The following TRIM48 variants were observed in gnomAD, a reference collection of about 807,000 sequenced individuals.
TRIM48 encodes the protein tripartite motif containing 48, also known as E3 ubiquitin-protein ligase TRIM48.
A neutral mutation model predicts 29.5 loss-of-function variants in TRIM48; 31 were observed. That is an observed-to-expected ratio of 1.05 (90% CI 0.79 to 1.42). TRIM48 has a LOEUF of 1.42. TRIM48 is among the 40% of genes most tolerant of loss of function. TRIM48 has a pLI of 0.00. For missense variants in TRIM48, 344 were observed against 265.0 expected, an observed-to-expected ratio of 1.30 and a Z score of -2.07; for synonymous variants, 128 against 90.6, an observed-to-expected ratio of 1.41 and a Z score of -2.34.
chr11:55,265,632 G>C lies in TRIM48; in HGVS notation c.492G>C (p.Trp164Cys). ...EKLLKKMQSL[W>C]EKACENQRNL... The stretch of plus-strand genomic sequence containing the variant: ...TTTTAAAGAAAATGCAGTCTTTATG[G>C]GAAAAAGCTTGTGAAAATCAGAGAA... The change falls in exon 3 of 6, where the codon TGG becomes TGC. Residue 164 changes from tryptophan to cysteine, a missense_variant. Trp to Cys is a radical substitution (Grantham distance 215). Transcript: ENST00000417545. 6.3e-7 allele frequency: 1 copy of C among 1,582,088 alleles called. No individual in the cohort carries two copies.
Position 55,265,048 on chromosome 11 carries a change from C to A in TRIM48, c.193C>A (p.Leu65Ile), listed in dbSNP as rs763093051. 40 of 1,584,046 alleles carry A rather than the reference C, an allele frequency of 2.5e-5. 4 individuals carry two copies. The highest frequency in any genetic ancestry group is 1.9e-4 in the Middle Eastern group (1 of 5,312). Residue 65 changes from leucine to isoleucine, a missense_variant, in exon 2 of 6, where the codon CTT becomes ATT. Physicochemically the swap from Leu to Ile is conservative, Grantham distance 5 (BLOSUM62 2). Transcript: ENST00000417545. ...FYLNWQDIPI[L>I]TQCFECIKTI... ...CCTCAACTGGCAAGACATCCCAATT[C>A]TTACTCAGTGCTTTGAATGCATAAA...
chr11:55,265,560 A>G lies in TRIM48; in HGVS notation c.460-40A>G, dbSNP rs559475822. 2.7e-4 allele frequency: 424 copies of G among 1,567,174 alleles called. 88 individuals carry two copies. In the South Asian group the frequency reaches 4.8e-3, roughly 18 times the overall value. On this transcript the variant is annotated intron_variant, in intron 2 of 5. Coordinates refer to ENST00000417545, the MANE Select transcript of TRIM48 (RefSeq NM_024114.5). ...AATGAAACGGTCTGTATGTTACTTT[A>G]TTGTCTTCACTGGTGCTTCAATTTA... is the stretch of plus-strand genomic sequence containing the variant.
rs1165824967 is a variant in TRIM48, at chr11:55,265,270, T to G, written c.415T>G (p.Tyr139Asp). The G allele has an allele frequency of 3.2e-6, 5 of 1,582,314 alleles. 1 individual carries two copies. In the South Asian group the frequency reaches 4.8e-5, roughly 15 times the overall value. Residue 139 changes from tyrosine to aspartate, a missense_variant, in exon 2 of 6, where the codon TAT becomes GAT. Tyr to Asp is a radical substitution (Grantham distance 160, BLOSUM62 -3). Transcript: ENST00000417545. ...GTGCTCCAGCTCTCAGGAGCACCGG[T>G]ATCACAGACACTGTCCCGCTGAGTG... ...LLCSSSQEHR[Y>D]HRHCPAEWAA...
At chr11:55,269,556 T>A (rs1259720264) in intron 5 of TRIM48, among the ~76,000 whole-genome samples, 1 of 147,920 alleles carries the variant, frequency 6.8e-6, no homozygotes, top group Admixed American at 6.8e-5. Flanking sequence ...TGGCCTCATA[T>A]GTACTGAGTA....
chr11:55,268,440 A>G (rs1857426537), intron 4 of TRIM48, 68 bp downstream of exon 4: 34 of 1,416,392 alleles, frequency 2.4e-5, no homozygotes, highest in Non-Finnish European at 3.0e-5. Context: ...AGGCTCTACC[A>G]AAGTCATGGC....
chr11:55,267,387 C>T (rs534431247), intron 3 of TRIM48: 2 of 1,567,986 alleles, frequency 1.3e-6, no homozygotes, highest in East Asian at 2.4e-5. Flanking sequence ...TCTCTTTTGA[C>T]TAACCCATTA....
In TRIM48 at chr11:55,264,944, C is replaced by T. The variant is rs758653040; in HGVS notation, c.89C>T (p.Thr30Ile). 61 of 1,583,850 alleles carry T rather than the reference C, an allele frequency of 3.9e-5. 7 individuals are homozygous for T. Among genetic ancestry groups the T allele is most frequent in the South Asian group, 6.0e-5 (5 of 83,680 alleles). The change falls in exon 2 of 6, where the codon ACC (threonine) becomes ATC (isoleucine). Residue 30 changes from threonine to isoleucine, a missense_variant. Coordinates refer to ENST00000417545, the MANE Select transcript of TRIM48 (RefSeq NM_024114.5). Reference sequence around the variant, plus strand: ...TCGCAAGTCTTCCAGAGGGAACTCACCTGCCCCATCTGCATGAACTACTTC... The same window carrying T: ...TCGCAAGTCTTCCAGAGGGAACTCATCTGCCCCATCTGCATGAACTACTTC... The part of the protein sequence containing the change: ...GISQVFQREL[T>I]CPICMNYFID...
chr11:55,262,288 G>T lies in TRIM48; in HGVS notation c.21G>T (p.Val7=). 1 of 1,548,690 alleles carries T rather than the reference G, an allele frequency of 6.5e-7. No homozygotes were observed. Among genetic ancestry groups the T allele is most frequent in the South Asian group, 1.2e-5 (1 of 83,948 alleles). Residue 7 remains valine (V), a synonymous_variant, in exon 1 of 6, where the codon GTG becomes GTT. Transcript: ENST00000417545. MSRRII[V]GTLQRTQRNM... ...GAATTATGTCTCGAAGAATCATTGT[G>T]GGAACCCTTCAAAGAACCCAGCGGT...
intron 1 of TRIM48, 126 bp downstream of exon 1, chr11:55,262,437 T>A: frequency 1.4e-6 from 1 of 719,152 alleles, no homozygotes; most frequent in Non-Finnish European, 2.3e-6. Flanking sequence ...ATATTCTTAC[T>A]ATAGATTTTA....
rs1857312184 is a variant in TRIM48 at position 55,262,224 on chromosome 11, T to A, written c.-44T>A. The A allele has an allele frequency of 6.6e-7, 1 of 1,506,868 alleles. No homozygotes were observed. Among genetic ancestry groups the A allele is most frequent in the Admixed American group, 2.0e-5 (1 of 50,884 alleles). The allele number at this position is 1,506,868 out of a possible 1,614,324, so 93.3% of individuals were successfully genotyped here. A position where few individuals can be genotyped will look rare whatever the true frequency, so the allele number is the denominator to read the frequency against. Reference sequence around the variant, plus strand: ...TTTGGTGACCTCTGAAACTCAGTACTGCAGCGAATGAGCTCCTGACCTTGA... The same window carrying A: ...TTTGGTGACCTCTGAAACTCAGTACAGCAGCGAATGAGCTCCTGACCTTGA... On this transcript the variant is annotated 5_prime_UTR_variant, in exon 1 of 6. Coordinates refer to ENST00000417545, the MANE Select transcript of TRIM48 (RefSeq NM_024114.5).
At chr11:55,269,392 A>G (rs1308344874) in intron 5 of TRIM48, 53 bp downstream of exon 5, 1 of 1,540,392 alleles carries the variant, frequency 6.5e-7, no homozygotes, top group Non-Finnish European at 8.7e-7. Flanking sequence ...TATTATTGTT[A>G]GGATCACATA....
chr11:55,263,586 C>T (rs1341875458), intron 1 of TRIM48, among the ~76,000 whole-genome samples: 4 of 152,078 alleles, frequency 2.6e-5, no homozygotes. Context: ...CGCTTTGACC[C>T]AGGAGGTGGA....
At position 55,262,326 on chromosome 11, in the gene TRIM48, T is replaced by C. The variant is rs1320823438; in HGVS notation, c.44+15T>C. On this transcript the variant is annotated intron_variant, in intron 1 of 5. Transcript: ENST00000417545. ...AGAACCCAGCGGTGAGTGAAACTTA[T>C]ATTGATAAAATTATATCTTCTTTCC... 7.9e-6 allele frequency: 12 copies of C among 1,527,372 alleles called. No homozygotes were observed. Among genetic ancestry groups the C allele is most frequent in the Admixed American group, 2.0e-5 (1 of 50,900 alleles). The allele number at this position is 1,527,372 out of a possible 1,614,324, so 94.6% of individuals were successfully genotyped here. A position where few individuals can be genotyped will look rare whatever the true frequency, so the allele number is the denominator to read the frequency against.
Position 55,270,546 on chromosome 11 carries a change from A to G in TRIM48, c.*111A>G. The G allele has an allele frequency of 2.5e-6, 4 of 1,583,110 alleles. No individual in the cohort carries two copies. Among genetic ancestry groups the G allele is most frequent in the Non-Finnish European group, 3.4e-6 (4 of 1,165,730 alleles). ...GTCAAAATCCGCCCCATATCACTGC[A>G]ACACCTACAAGTTTTCTTGCATGGG... is the stretch of plus-strand genomic sequence containing the variant. On this transcript the variant is annotated 3_prime_UTR_variant, in exon 6 of 6. Transcript: ENST00000417545.
chr11:55,268,481 T>C, intron 4 of TRIM48, 109 bp downstream of exon 4: 4 of 1,130,496 alleles, frequency 3.5e-6, no homozygotes, highest in Non-Finnish European at 5.0e-6. Context: ...TACTATTTTT[T>C]TTTGCATCTT....
chr11:55,262,357 A>G, intron 1 of TRIM48, 46 bp downstream of exon 1: 2 of 1,357,174 alleles, frequency 1.5e-6, no homozygotes, highest in Admixed American at 2.0e-5. Context: ...TTTCCTTTAC[A>G]AAATAATAAA....
chr11:55,267,822 C>T (rs1199607422), intron 3 of TRIM48, among the ~76,000 whole-genome samples: 1 of 147,880 alleles, frequency 6.8e-6, no homozygotes, highest in East Asian at 2.2e-4. Context: ...GGCCAAAGGT[C>T]CCTCCTACTT....
chr11:55,270,672 G>C lies in TRIM48; in HGVS notation c.*237G>C. On this transcript the variant is annotated 3_prime_UTR_variant, in exon 6 of 6. Coordinates refer to ENST00000417545, the MANE Select transcript of TRIM48 (RefSeq NM_024114.5). ...TCTGTAATAAGTATTGGAAAGGGAA[G>C]AATCAGAATGGCAATATATATGGAG... The C allele has an allele frequency of 1.3e-6, 2 of 1,576,264 alleles. No homozygotes were observed.
rs1049886496 is a variant in TRIM48, at chr11:55,271,074, C to T, written c.*639C>T. Reference sequence around the variant, plus strand: ...ATTGCATTCTAATGTTATTAAAACTCATTTATTGTGTTACTATTAAATGTA... The same window carrying T: ...ATTGCATTCTAATGTTATTAAAACTTATTTATTGTGTTACTATTAAATGTA... On this transcript the variant is annotated 3_prime_UTR_variant, in exon 6 of 6. Coordinates refer to ENST00000417545, the MANE Select transcript of TRIM48 (RefSeq NM_024114.5). 15 of 1,173,068 alleles carry T rather than the reference C, an allele frequency of 1.3e-5. No individual in the cohort carries two copies. The highest frequency in any genetic ancestry group is 1.6e-5 in the Non-Finnish European group (14 of 855,812). 72.7% of individuals were successfully genotyped at this position (1,173,068 alleles called of 1,614,324 possible). A position where few individuals can be genotyped will look rare whatever the true frequency, so the allele number is the denominator to read the frequency against.
Sources: allele counts gnomAD v4.1 joint callset (sites outside exome capture counted in the v4.1 genomes callset), GRCh38; gene constraint gnomAD v4.1.1; transcripts MANE v1.5; gene names NCBI Gene and HGNC (gene_info 2026-07-23, HGNC 2026-07-21).